The following DPH6 variants were observed in gnomAD, a reference collection of about 807,000 sequenced individuals.
DPH6 encodes the protein diphthamine biosynthesis 6.
A neutral mutation model predicts 38.2 loss-of-function variants in DPH6; 33 were observed. The ratio of observed to expected loss-of-function variants is 0.86; its 90% CI spans 0.65 to 1.15. The LOEUF (loss-of-function observed/expected upper bound fraction) is 1.15, where lower values mean the gene tolerates loss of function less well. Among genes scored for constraint, DPH6 ranks in the 50% most tolerant of loss-of-function variants. DPH6 has a pLI of 0.00. For missense variants in DPH6, 325 were observed against 320.0 expected, an observed-to-expected ratio of 1.02 and a Z score of -0.12; for synonymous variants, 108 against 103.0, an observed-to-expected ratio of 1.05 and a Z score of -0.30.
At chr15:35,411,105 CA>C (rs1306012960) in intron 5 of DPH6, among the ~76,000 whole-genome samples, 1 of 151,594 alleles carries the variant, frequency 6.6e-6, no homozygotes, top group African/African-American at 2.4e-5. Flanking sequence ...AGTAAGTTTC[CA>C]CTTATTTCAA....
intron 3 of DPH6, among the ~76,000 whole-genome samples, chr15:35,361,609 C>G (rs1038558187): frequency 6.6e-6 from 1 of 150,716 alleles, no homozygotes; most frequent in Non-Finnish European, 1.5e-5. Flanking sequence ...TTTCTTCACT[C>G]TTCTTTCTTT....
intron 6 of DPH6, among the ~76,000 whole-genome samples, chr15:35,402,313 G>A (rs899509879): frequency 3.3e-5 from 5 of 152,000 alleles, no homozygotes; most frequent in African/African-American, 1.2e-4. Context: ...CCATGAAAAG[G>A]GATTACCCAA....
At chr15:35,496,568 A>ATATATATATATATG in intron 3 of DPH6, among the ~76,000 whole-genome samples, 1 of 50,686 alleles carries the variant, frequency 2.0e-5, no homozygotes, top group South Asian at 6.6e-4. Context: ...AAAAAAAAAA[A>ATATATATATATATG]TATATATATA....
chr15:35,325,051 T>A (rs760403900), intron 3 of DPH6, among the ~76,000 whole-genome samples: 3 of 152,186 alleles, frequency 2.0e-5, no homozygotes, highest in Non-Finnish European at 2.9e-5. Flanking sequence ...AGGAGTTTGT[T>A]ACATTTGGTG....
At chr15:35,261,510 T>C (rs2051746222) in intron 3 of DPH6, among the ~76,000 whole-genome samples, 1 of 151,116 alleles carries the variant, frequency 6.6e-6, no homozygotes, top group South Asian at 2.1e-4. Context: ...TGTCTCATGA[T>C]GGAGTAGGAA....
intron 3 of DPH6, among the ~76,000 whole-genome samples, chr15:35,249,688 A>G (rs541810883): frequency 2.0e-5 from 3 of 152,174 alleles, no homozygotes; most frequent in Non-Finnish European, 4.4e-5. Flanking sequence ...TTTGGAGTCG[A>G]AGAACTTTAA....
intron 3 of DPH6, among the ~76,000 whole-genome samples, chr15:35,468,256 A>T (rs2054152544): frequency 6.6e-6 from 1 of 152,234 alleles, no homozygotes; most frequent in African/African-American, 2.4e-5. Context: ...TTCATTTTAC[A>T]GAAGAGAAAG....
At chr15:35,222,651 CT>C (rs1392406797) in intron 3 of DPH6, among the ~76,000 whole-genome samples, 1 of 152,090 alleles carries the variant, frequency 6.6e-6, no homozygotes, top group Non-Finnish European at 1.5e-5. Flanking sequence ...GAAAAAGTCA[CT>C]TATGTCTTAG....
chr15:35,173,713 A>C, the DPH6 span, among the ~76,000 whole-genome samples: 2 of 152,040 alleles, frequency 1.3e-5, no homozygotes, highest in East Asian at 3.9e-4. Flanking sequence ...AGCCATGTCG[A>C]ATTAACAGCA....
chr15:35,333,584 T>C (rs1396755078), intron 3 of DPH6, among the ~76,000 whole-genome samples: 6 of 152,090 alleles, frequency 3.9e-5, no homozygotes, highest in African/African-American at 1.4e-4. Context: ...GTAATATACA[T>C]GATGAAACTT....
chr15:35,223,549 G>A lies in DPH6; in HGVS notation n.201-2967C>T, dbSNP rs1402789683. ...AAAATACAAAAAATTAACCAGGCAC[G>A]GTGGTGGACGCCTGTAGTCCCAGCT... On this transcript the variant is annotated intron_variant and non_coding_transcript_variant, in intron 3 of 3. Transcript: ENST00000560386. Among the ~76,000 whole-genome samples, 5 of 152,240 alleles carry A rather than the reference G, an allele frequency of 3.3e-5. No homozygotes were observed. The East Asian group carries it at 9.7e-4, about 29-fold the overall frequency.
chr15:35,371,651 G>A lies in DPH6; in HGVS notation c.*499C>T, dbSNP rs1265898290. 4 of 984,938 alleles carry A rather than the reference G, an allele frequency of 4.1e-6. No individual in the cohort carries two copies. Among genetic ancestry groups the A allele is most frequent in the Non-Finnish European group, 4.8e-6 (4 of 829,702 alleles). 61.0% of individuals were successfully genotyped at this position (984,938 alleles called of 1,614,324 possible). A position where few individuals can be genotyped will look rare whatever the true frequency, so the allele number is the denominator to read the frequency against. ...ACATTCTTCCTAATTGTCCAATAAC[G>A]TTGAAACACTTCAACCATGAATATA... On this transcript the variant is annotated 3_prime_UTR_variant, in exon 9 of 9. Transcript: ENST00000256538.
chr15:35,426,963 G>T (rs371728703), intron 5 of DPH6, among the ~76,000 whole-genome samples: 1 of 143,966 alleles, frequency 6.9e-6, no homozygotes, highest in African/African-American at 2.6e-5. Flanking sequence ...TTTTCCCCCT[G>T]AATTAAATAC....
intron 3 of DPH6, among the ~76,000 whole-genome samples, chr15:35,294,713 A>C (rs2052003366): frequency 6.6e-6 from 1 of 152,228 alleles, no homozygotes; most frequent in Admixed American, 6.5e-5. Flanking sequence ...CTAGCAAAGG[A>C]GTCAAACTTA....
At chr15:35,533,108 G>GAA (rs34226807) in intron 3 of DPH6, among the ~76,000 whole-genome samples, 126 of 144,152 alleles carry the variant, frequency 8.7e-4, no homozygotes, top group Admixed American at 2.8e-3. Context: ...ACTCAGTCTC[G>GAA]AAAAAAAAAA....
chr15:35,475,802 C>A (rs566569278), intron 3 of DPH6, among the ~76,000 whole-genome samples: 1 of 150,384 alleles, frequency 6.6e-6, no homozygotes, highest in South Asian at 2.1e-4. Flanking sequence ...TAAGAGTGGC[C>A]GAGCAAAGAT....
intron 3 of DPH6, among the ~76,000 whole-genome samples, chr15:35,281,396 T>C (rs976794859): frequency 8.5e-5 from 13 of 152,206 alleles, no homozygotes; most frequent in Non-Finnish European, 1.6e-4. Context: ...CTTTAAAACA[T>C]TGTTATTTAA....
At chr15:35,354,187 C>T (rs145586594) in intron 3 of DPH6, among the ~76,000 whole-genome samples, 154 of 152,292 alleles carry the variant, frequency 1.0e-3, no homozygotes, top group East Asian at 5.0e-3. Context: ...TGGGCTGACA[C>T]GATGGGGCTT....
chr15:35,218,199 C>A (rs772312303), exon 4 of DPH6: 3 of 152,138 alleles, frequency 2.0e-5, no homozygotes, highest in Non-Finnish European at 4.4e-5. Flanking sequence ...AACAAAAATC[C>A]TCAGACACAA....
Sources: gnomAD v4.1 joint callset for allele counts (sites outside exome capture counted in the v4.1 genomes callset) on GRCh38, gnomAD v4.1.1 for gene constraint, MANE v1.5 for transcripts, NCBI Gene and HGNC (gene_info 2026-07-23, HGNC 2026-07-21) for gene names.